GREM2: variants seen among roughly 807,000 people sequenced by gnomAD.
The protein encoded by GREM2 is gremlin 2, DAN family BMP antagonist, also known as gremlin-2.
In GREM2, 11 loss-of-function variants were observed where a neutral mutation model predicts 14.2. That is an observed-to-expected ratio of 0.78 (90% CI 0.49 to 1.28). GREM2 has a LOEUF of 1.28. Among genes scored for constraint, GREM2 ranks in the 50% most tolerant of loss-of-function variants. GREM2 has a pLI of 0.00. For missense variants in GREM2, 210 were observed against 218.5 expected (o/e 0.96, Z 0.24); for synonymous variants, 98 against 97.6 (o/e 1.00, Z -0.02).
Position 240,537,654 on chromosome 1 carries a change from G to A in GREM2, c.-1-44178C>T, listed in dbSNP as rs537067276. Among the ~76,000 whole-genome samples the A allele has an allele frequency of 1.1e-4, 16 of 152,126 alleles. No homozygotes were observed. The South Asian group carries it at 1.9e-3, about 18-fold the overall frequency. On this transcript the variant is annotated intron_variant, in intron 1 of 1. Transcript: ENST00000318160. The stretch of plus-strand genomic sequence containing the variant: ...ACAAAAGTTAGCCGAGCATGGTGGC[G>A]CGTGCCTGTAATCCCAGCTACTCGG...
chr1:240,513,887 G>A (rs1677892082), intron 1 of GREM2, among the ~76,000 whole-genome samples: 1 of 152,132 alleles, frequency 6.6e-6, no homozygotes, highest in Non-Finnish European at 1.5e-5. Flanking sequence ...ATCTACAAAT[G>A]AAAAATAATG....
At chr1:240,528,343 C>T (rs1213902745) in intron 1 of GREM2, among the ~76,000 whole-genome samples, 1 of 152,070 alleles carries the variant, frequency 6.6e-6, no homozygotes, top group Non-Finnish European at 1.5e-5. Context: ...TTGGATTTTA[C>T]TATGTGAATT....
intron 1 of GREM2, among the ~76,000 whole-genome samples, chr1:240,559,700 CA>C (rs759247248): frequency 3.3e-5 from 5 of 152,064 alleles, no homozygotes; most frequent in Non-Finnish European, 7.4e-5. Context: ...TAAATATTTC[CA>C]AAATTCTAGT....
intron 1 of GREM2, among the ~76,000 whole-genome samples, chr1:240,608,656 G>A (rs1680077191): frequency 6.6e-6 from 1 of 152,130 alleles, no homozygotes; most frequent in African/African-American, 2.4e-5. Flanking sequence ...TAGGCTCAAA[G>A]GGTAAAGCTA....
chr1:240,521,542 G>T (rs1438337097), intron 1 of GREM2, among the ~76,000 whole-genome samples: 1 of 152,082 alleles, frequency 6.6e-6, no homozygotes, highest in Non-Finnish European at 1.5e-5. Flanking sequence ...CTGCACTCCA[G>T]CCTGGGCGAC....
intron 1 of GREM2, among the ~76,000 whole-genome samples, chr1:240,499,037 C>T (rs917010488): frequency 6.6e-6 from 1 of 152,194 alleles, no homozygotes; most frequent in South Asian, 2.1e-4. Context: ...AAGGACTGCA[C>T]AGGCCAAAGC....
chr1:240,575,269 A>T (rs1345141531), intron 1 of GREM2, among the ~76,000 whole-genome samples: 1 of 152,000 alleles, frequency 6.6e-6, no homozygotes, highest in Non-Finnish European at 1.5e-5. Flanking sequence ...TCTCAGGGTA[A>T]ATGTTGGTTC....
At chr1:240,545,638 C>G (rs1474872221) in intron 1 of GREM2, among the ~76,000 whole-genome samples, 1 of 152,178 alleles carries the variant, frequency 6.6e-6, no homozygotes, top group Non-Finnish European at 1.5e-5. Context: ...CCTATGGGAT[C>G]TGATGCTATC....
At chr1:240,521,685 T>G (rs183409419) in intron 1 of GREM2, among the ~76,000 whole-genome samples, 258 of 152,342 alleles carry the variant, frequency 1.7e-3, no homozygotes, top group Admixed American at 4.6e-3. Flanking sequence ...CTATTCACAC[T>G]AGAGAACTTG....
chr1:240,544,271 C>T (rs1480462537), intron 1 of GREM2, among the ~76,000 whole-genome samples: 3 of 151,982 alleles, frequency 2.0e-5, no homozygotes, highest in African/African-American at 7.3e-5. Context: ...CCTCAGCCTC[C>T]TTAGTAGCTG....
intron 1 of GREM2, among the ~76,000 whole-genome samples, chr1:240,533,772 G>A (rs1678413994): frequency 6.6e-6 from 1 of 152,214 alleles, no homozygotes. Context: ...CATTGGCTGT[G>A]CCTCCAGGGT....
intron 1 of GREM2, among the ~76,000 whole-genome samples, chr1:240,603,440 C>A (rs1679966217): frequency 6.6e-6 from 1 of 152,108 alleles, no homozygotes. Flanking sequence ...CATCAAGGCC[C>A]AACTCCATAT....
chr1:240,571,360 T>C (rs1383387198), intron 1 of GREM2, among the ~76,000 whole-genome samples: 1 of 152,120 alleles, frequency 6.6e-6, no homozygotes, highest in Non-Finnish European at 1.5e-5. Context: ...TCCTCTAAAA[T>C]AATTCTTTTT....
chr1:240,530,496 C>T lies in GREM2; in HGVS notation c.-1-37020G>A, dbSNP rs1277775604. ...ACATTCCTCTCTAAAATATATGACTCTGTTTACTAGTGTAAGGATCAAAAG... is the reference window on the plus strand; with the variant it reads ...ACATTCCTCTCTAAAATATATGACTTTGTTTACTAGTGTAAGGATCAAAAG... On this transcript the variant is annotated intron_variant, in intron 1 of 1. Transcript: ENST00000318160. 3 of 152,200 alleles carry T rather than the reference C, an allele frequency of 2.0e-5. No homozygotes were observed. The East Asian group carries it at 5.8e-4, about 29-fold the overall frequency. The allele number at this position is 152,200 out of a possible 1,614,324, so 9.4% of individuals were successfully genotyped here. A position where few individuals can be genotyped will look rare whatever the true frequency, so the allele number is the denominator to read the frequency against.
chr1:240,562,228 T>C (rs1176020525), intron 1 of GREM2, among the ~76,000 whole-genome samples: 2 of 152,240 alleles, frequency 1.3e-5, no homozygotes, highest in Non-Finnish European at 2.9e-5. Flanking sequence ...GACTCAGAAA[T>C]GTAGAGAAAT....
intron 1 of GREM2, among the ~76,000 whole-genome samples, chr1:240,605,312 C>CA (rs1680003259): frequency 1.3e-5 from 2 of 152,050 alleles, no homozygotes; most frequent in South Asian, 2.1e-4. Flanking sequence ...CAAACATCTC[C>CA]AAAAAAATTG....
chr1:240,518,374 T>C (rs1677995456), intron 1 of GREM2, among the ~76,000 whole-genome samples: 1 of 152,212 alleles, frequency 6.6e-6, no homozygotes, highest in Non-Finnish European at 1.5e-5. Context: ...CATCCATCAA[T>C]CTTTATCATC....
intron 1 of GREM2, among the ~76,000 whole-genome samples, chr1:240,553,912 T>C (rs185094742): frequency 2.0e-5 from 3 of 152,256 alleles, no homozygotes; most frequent in African/African-American, 7.2e-5. Flanking sequence ...CCTAGGTATG[T>C]ATGAATGAAA....
At chr1:240,595,169 T>C (rs1046773930) in intron 1 of GREM2, among the ~76,000 whole-genome samples, 1 of 152,142 alleles carries the variant, frequency 6.6e-6, no homozygotes, top group Non-Finnish European at 1.5e-5. Flanking sequence ...GTGGATCTCC[T>C]ACAAATACAA....
Sources: gnomAD v4.1 joint callset for allele counts (sites outside exome capture counted in the v4.1 genomes callset) on GRCh38, gnomAD v4.1.1 for gene constraint, MANE v1.5 for transcripts, NCBI Gene and HGNC (gene_info 2026-07-23, HGNC 2026-07-21) for gene names.